CENPE: variants seen among roughly 807,000 people sequenced by gnomAD.
The protein encoded by CENPE is centromere protein E.
CENPE carries 145 observed loss-of-function variants against 336.1 expected under a neutral mutation model. The ratio of observed to expected loss-of-function variants is 0.43; its 90% confidence interval spans 0.38 to 0.50. The LOEUF (loss-of-function observed/expected upper bound fraction) is 0.50, where lower values mean the gene tolerates loss of function less well. Ranked by LOEUF, CENPE falls within the 20% of genes least tolerant of loss-of-function variation. The pLI is 0.00. For missense variants in CENPE, 2,719 were observed against 3,023.3 expected, an observed-to-expected ratio of 0.90 and a Z score of 2.36; for synonymous variants, 1,013 against 984.8, an observed-to-expected ratio of 1.03 and a Z score of -0.54.
intron 40 of CENPE, among the ~76,000 whole-genome samples, chr4:103,135,833 T>C (rs190437352): frequency 4.6e-5 from 7 of 152,342 alleles, no homozygotes; most frequent in South Asian, 2.1e-4. Context: ...TAGTACGTCA[T>C]ATAACTTGCA....
At chr4:103,160,937 A>C (rs1754389002) in intron 20 of CENPE, 149 bp downstream of exon 20, 2 of 912,672 alleles carry the variant, frequency 2.2e-6, no homozygotes, top group Admixed American at 3.2e-5. Context: ...ATAAATATTA[A>C]TACCAAATGA....
chr4:103,143,394 G>T lies in CENPE; in HGVS notation c.5158C>A (p.Gln1720Lys). 6.3e-7 allele frequency: 1 copy of T among 1,588,980 alleles called. No individual in the cohort carries two copies. The highest frequency in any genetic ancestry group is 8.6e-7 in the Non-Finnish European group (1 of 1,159,302). ...ATGTGAACAATTTTTAGCTCCTCTT[G>T]TTTTTCTAGGTCCTTTATCAATAGA... is the stretch of plus-strand genomic sequence containing the variant. ...RETITRDLEKQEELKIVHMHL... is the reference protein window; with the variant it reads ...RETITRDLEKKEELKIVHMHL... Residue 1720 changes from glutamine (Q) to lysine (K), a missense_variant, in exon 34 of 49, where the codon CAA (glutamine) becomes AAA (lysine). Transcript: ENST00000265148.
chr4:103,117,622 C>CTTT (rs771337112), intron 44 of CENPE, among the ~76,000 whole-genome samples: 30 of 115,034 alleles, frequency 2.6e-4, no homozygotes, highest in African/African-American at 9.2e-4. Flanking sequence ...ATTTTCTTTC[C>CTTT]TTTTTTTTTT....
rs149986977 is a variant in CENPE, at chr4:103,163,484, G to C, written c.1717C>G (p.Leu573Val). Residue 573 changes from leucine to valine, a missense_variant, in exon 17 of 49, where the codon CTT becomes GTT. By Grantham distance (32) the Leu-to-Val change is conservative. Transcript: ENST00000265148. ...ATACCAACATGAATGCTCACCTCAA[G>C]ATCTTGATTATATACTTCTGCATGC... ...VKHAEVYNQD[L>V]ENELSSKVEL... 43 of 1,588,790 alleles carry C rather than the reference G, an allele frequency of 2.7e-5. No individual in the cohort carries two copies. In the African/African-American group the frequency reaches 2.8e-4, roughly 11 times the overall value.
chr4:103,127,097 T>TAAAA (rs768685995), intron 42 of CENPE, among the ~76,000 whole-genome samples: 1 of 75,344 alleles, frequency 1.3e-5, no homozygotes, highest in Non-Finnish European at 2.8e-5. Context: ...GGGACAAATA[T>TAAAA]AAAAAAAAAA....
intron 46 of CENPE, among the ~76,000 whole-genome samples, chr4:103,113,824 C>G (rs1290730206): frequency 1.3e-5 from 2 of 150,998 alleles, no homozygotes; most frequent in African/African-American, 4.9e-5. Context: ...AGATCTGCAT[C>G]TTAGTTCAGT....
Position 103,182,794 on chromosome 4 carries a change from C to A in CENPE, c.931G>T (p.Val311Leu), listed in dbSNP as rs778576369. The A allele has an allele frequency of 4.3e-6, 7 of 1,611,894 alleles. No individual in the cohort carries two copies. The highest frequency in any genetic ancestry group is 5.9e-6 in the Non-Finnish European group (7 of 1,178,798). The change falls in exon 11 of 49, where the codon GTA becomes TTA. Residue 311 changes from valine to leucine, a missense_variant. Val to Leu is a conservative substitution (Grantham distance 32). Around this residue, in one of 5 missense-constraint regions of CENPE, gnomAD observed 117 missense variants for 215.8 expected, o/e 0.54. Coordinates refer to ENST00000265148, the MANE Select transcript of CENPE (RefSeq NM_001813.3). The stretch of plus-strand genomic sequence containing the variant: ...GCAGTAAGTGTTTCATCAAAAGATA[C>A]TGGAGTAATTGTGCAGATAATACGT... ...KTRIICTITP[V>L]SFDETLTALQ...
chr4:103,116,876 A>G (rs569499389), intron 44 of CENPE, among the ~76,000 whole-genome samples, 187 bp from the exon 45 acceptor site: 1 of 152,278 alleles, frequency 6.6e-6, no homozygotes, highest in Non-Finnish European at 1.5e-5. Flanking sequence ...TTTGAAGCTA[A>G]TATGCAATTA....
chr4:103,129,482 T>G (rs1751400031), intron 42 of CENPE, among the ~76,000 whole-genome samples: 1 of 152,130 alleles, frequency 6.6e-6, no homozygotes, highest in Non-Finnish European at 1.5e-5. Flanking sequence ...TTCACGCCTG[T>G]AATCCCAGTA....
intron 21 of CENPE, among the ~76,000 whole-genome samples, chr4:103,159,567 A>G (rs1488649421): frequency 6.6e-6 from 1 of 151,872 alleles, no homozygotes; most frequent in African/African-American, 2.4e-5. Flanking sequence ...CTGCATGGAA[A>G]ATAGTAAAGG....
chr4:103,193,166 G>A (rs1276993687), intron 8 of CENPE, among the ~76,000 whole-genome samples: 6 of 151,890 alleles, frequency 4.0e-5, no homozygotes, highest in Admixed American at 3.9e-4. Flanking sequence ...CGTAACATGA[G>A]GAAAATCATC....
rs1479149934 is a variant in CENPE, at chr4:103,133,682, A to G, written c.6720+13T>C. ...CTTAAAATCTAACTAAATCCATTTAAAATAAATTATACCTCAATATGTAGA... is the reference window on the plus strand; with the variant it reads ...CTTAAAATCTAACTAAATCCATTTAGAATAAATTATACCTCAATATGTAGA... On this transcript the variant is annotated intron_variant, in intron 41 of 48. Transcript: ENST00000265148. 6.6e-7 allele frequency: 1 copy of G among 1,525,438 alleles called. No homozygotes were observed. Among genetic ancestry groups the G allele is most frequent in the East Asian group, 2.3e-5 (1 of 44,220 alleles). 94.5% of individuals were successfully genotyped at this position (1,525,438 alleles called of 1,614,324 possible). A position where few individuals can be genotyped will look rare whatever the true frequency, so the allele number is the denominator to read the frequency against.
At position 103,141,075 on chromosome 4, in the gene CENPE, T is replaced by A. The variant is rs750787533; in HGVS notation, c.5493A>T (p.Gln1831His). Residue 1831 changes from glutamine to histidine, a missense_variant, in exon 36 of 49, where the codon CAA (glutamine) becomes CAT (histidine). This residue lies in a region of CENPE where 2,437 missense variants were observed against 2,513.3 expected (regional missense o/e 0.97). Transcript: ENST00000265148. ...TGACATCTTTTTTTAACGTAATAAG[T>A]TGATGTTCATTTGCCTTAAGTTCTT... is the stretch of plus-strand genomic sequence containing the variant. ...KIQELKANEH[Q>H]LITLKKDVNE... The A allele has an allele frequency of 1.5e-5, 24 of 1,575,528 alleles. No individual in the cohort carries two copies. Among genetic ancestry groups the A allele is most frequent in the Non-Finnish European group, 2.1e-5 (24 of 1,159,568 alleles).
At chr4:103,116,921 T>A (rs1007469939) in intron 44 of CENPE, among the ~76,000 whole-genome samples, 1 of 152,146 alleles carries the variant, frequency 6.6e-6, no homozygotes, top group Non-Finnish European at 1.5e-5. Flanking sequence ...TATCATAATA[T>A]GCAATTAGAA....
chr4:103,109,555 T>C (rs1196938291), intron 47 of CENPE, among the ~76,000 whole-genome samples: 1 of 152,196 alleles, frequency 6.6e-6, no homozygotes, highest in African/African-American at 2.4e-5. Flanking sequence ...ATTTATCCAG[T>C]TCCTCCGGAG....
chr4:103,178,198 G>A (rs933636918), intron 13 of CENPE, among the ~76,000 whole-genome samples: 1 of 151,864 alleles, frequency 6.6e-6, no homozygotes, highest in Non-Finnish European at 1.5e-5. Flanking sequence ...CACTCAAATG[G>A]CACTGTGTTC....
At chr4:103,174,674 A>G (rs1412341758) in intron 16 of CENPE, 62 bp downstream of exon 16, 1 of 1,203,924 alleles carries the variant, frequency 8.3e-7, no homozygotes, top group Non-Finnish European at 1.1e-6. Flanking sequence ...ATTATAGAAA[A>G]AAGAGAATAC....
intron 48 of CENPE, 59 bp from the exon 49 acceptor site, chr4:103,106,375 A>C (rs1302949430): frequency 2.3e-6 from 3 of 1,332,798 alleles, no homozygotes; most frequent in African/African-American, 1.4e-5. Context: ...AAAACCAAGC[A>C]CAGCTGGAAG....
At chr4:103,195,866 C>A in intron 4 of CENPE, 54 bp downstream of exon 4, 2 of 1,006,702 alleles carry the variant, frequency 2.0e-6, no homozygotes, top group Non-Finnish European at 3.2e-6. Context: ...AGACTGGTAC[C>A]CAGTTTTTAC....
Sources: gnomAD v4.1 joint callset for allele counts (sites outside exome capture counted in the v4.1 genomes callset) on GRCh38, gnomAD v4.1.1 for gene constraint, gnomAD v4.1.1 regional missense constraint, MANE v1.5 for transcripts, NCBI Gene and HGNC (gene_info 2026-07-23, HGNC 2026-07-21) for gene names.